CADM2: variants seen among roughly 807,000 people sequenced by gnomAD.
CADM2 encodes the protein cell adhesion molecule 2, also known as immunoglobulin superfamily member 4D.
In CADM2, 12 loss-of-function variants were observed where a neutral mutation model predicts 49.8. The ratio of observed to expected loss-of-function variants is 0.24; its 90% CI spans 0.15 to 0.39. The LOEUF is 0.39. Among genes scored for constraint, CADM2 ranks in the 10% least tolerant of loss-of-function variants. The pLI is 1.00. For synonymous variants in CADM2, 214 were observed against 175.4 expected, an observed-to-expected ratio of 1.22 and a Z score of -1.74; for missense variants, 378 against 492.3, an observed-to-expected ratio of 0.77 and a Z score of 2.20.
At chr3:85,809,725 TTC>T (rs2072706436) in intron 3 of CADM2, among the ~76,000 whole-genome samples, 1 of 28,742 alleles carries the variant, frequency 3.5e-5, no homozygotes, top group African/African-American at 1.4e-4. Context: ...CCTTCGTTCC[TTC>T]CCTCCCTCCC....
At chr3:85,475,807 AG>A (rs1428270090) in intron 1 of CADM2, among the ~76,000 whole-genome samples, 1 of 151,936 alleles carries the variant, frequency 6.6e-6, no homozygotes, top group Non-Finnish European at 1.5e-5. Context: ...TTTAAGATCC[AG>A]GCACTGTTCC....
chr3:85,299,358 T>C (rs1375070492), intron 1 of CADM2, among the ~76,000 whole-genome samples: 4 of 152,032 alleles, frequency 2.6e-5, no homozygotes, highest in Non-Finnish European at 5.9e-5. Context: ...CTTTTTATCG[T>C]TTTTAGGATC....
intron 2 of CADM2, among the ~76,000 whole-genome samples, chr3:85,759,950 T>C (rs2069294717): frequency 6.6e-6 from 1 of 152,140 alleles, no homozygotes; most frequent in African/African-American, 2.4e-5. Context: ...TAAATAAATT[T>C]ATCATGGTAA....
chr3:85,638,937 A>G (rs886463370), intron 1 of CADM2, among the ~76,000 whole-genome samples: 2 of 152,244 alleles, frequency 1.3e-5, no homozygotes, highest in African/African-American at 4.8e-5. Flanking sequence ...GTTTTGAAGA[A>G]GAAGAAGAAA....
Position 85,696,017 on chromosome 3 carries a change from ATTAGCAATGT to A in CADM2, c.62-30498_62-30489del, listed in dbSNP as rs373472895. On this transcript the variant is annotated intron_variant, in intron 1 of 9. Transcript: ENST00000383699. Reference sequence around the variant, plus strand: ...ATATTAGGTTTGCATTTCCCTGATGATTAGCAATGTTTAGCATTTTTCATATGTTTATTTT... The same window carrying A: ...ATATTAGGTTTGCATTTCCCTGATGATTAGCATTTTTCATATGTTTATTTT... Among the ~76,000 whole-genome samples the A allele has an allele frequency of 1.2e-4, 18 of 152,194 alleles. 1 individual carries two copies. The highest frequency in any genetic ancestry group is 4.3e-4 in the African/African-American group (18 of 41,560).
At position 85,661,338 on chromosome 3, in the gene CADM2, T is replaced by C. The variant is rs540402671; in HGVS notation, c.62-65184T>C. Among the ~76,000 whole-genome samples the C allele has an allele frequency of 4.6e-5, 7 of 152,184 alleles. No homozygotes were observed. The South Asian group carries it at 1.4e-3, about 32-fold the overall frequency. ...GTAGATCTGGGGAATGCTATCTGAT[T>C]ATGGATTTTTTAATTTGGGAGTAAA... On this transcript the variant is annotated intron_variant, in intron 1 of 9. Coordinates refer to ENST00000383699, the MANE Select transcript of CADM2 (RefSeq NM_001167675.2).
chr3:85,656,383 G>T (rs1024095483), intron 1 of CADM2, among the ~76,000 whole-genome samples: 3 of 152,042 alleles, frequency 2.0e-5, no homozygotes, highest in African/African-American at 7.2e-5. Context: ...TTGGGAGGCC[G>T]AGGCGGGCAG....
chr3:85,405,662 A>C (rs1296596539), intron 1 of CADM2, among the ~76,000 whole-genome samples: 4 of 152,090 alleles, frequency 2.6e-5, no homozygotes, highest in Non-Finnish European at 5.9e-5. Flanking sequence ...GAAATTAAAA[A>C]GCCTTGATTC....
At chr3:85,303,906 T>C (rs2044157450) in intron 1 of CADM2, among the ~76,000 whole-genome samples, 1 of 151,942 alleles carries the variant, frequency 6.6e-6, no homozygotes, top group East Asian at 1.9e-4. Context: ...AAAGCAATTA[T>C]GTCAACAAAC....
chr3:85,371,677 G>GTGTGTGTGTGTA (rs1251505613), intron 1 of CADM2, among the ~76,000 whole-genome samples: 1 of 95,134 alleles, frequency 1.1e-5, no homozygotes, highest in East Asian at 3.1e-4. Flanking sequence ...GTGTGTGTGT[G>GTGTGTGTGTGTA]TATATATATA....
intron 7 of CADM2, among the ~76,000 whole-genome samples, chr3:85,936,998 G>A (rs898088167): frequency 6.6e-6 from 1 of 151,972 alleles, no homozygotes; most frequent in Non-Finnish European, 1.5e-5. Context: ...ACAAGGTGAA[G>A]TTAGGGAATA....
At chr3:85,588,046 C>G (rs1197135112) in intron 1 of CADM2, among the ~76,000 whole-genome samples, 2 of 152,008 alleles carry the variant, frequency 1.3e-5, no homozygotes, top group African/African-American at 2.4e-5. Context: ...GGATTACAGG[C>G]ATTAGCCATC....
intron 1 of CADM2, among the ~76,000 whole-genome samples, chr3:85,444,449 A>G (rs1414297330): frequency 1.3e-5 from 2 of 151,392 alleles, no homozygotes; most frequent in Admixed American, 1.3e-4. Flanking sequence ...ACACTCACAC[A>G]CACACACACA....
chr3:84,985,157 G>T (rs898615038), intron 1 of CADM2, among the ~76,000 whole-genome samples: 7 of 152,088 alleles, frequency 4.6e-5, no homozygotes, highest in African/African-American at 1.7e-4. Context: ...TGAAGCCCAA[G>T]TTGTGAATTT....
chr3:85,540,525 A>G (rs891756381), intron 1 of CADM2, among the ~76,000 whole-genome samples: 2 of 152,186 alleles, frequency 1.3e-5, no homozygotes, highest in African/African-American at 4.8e-5. Flanking sequence ...CTTTCATGCC[A>G]GTGGATATGT....
At chr3:85,397,971 A>G in intron 1 of CADM2, among the ~76,000 whole-genome samples, 1 of 152,092 alleles carries the variant, frequency 6.6e-6, no homozygotes, top group South Asian at 2.1e-4. Flanking sequence ...CTGCCAGAGG[A>G]GAAATAGGGT....
chr3:85,426,690 C>T (rs1485613348), intron 1 of CADM2, among the ~76,000 whole-genome samples: 1 of 152,012 alleles, frequency 6.6e-6, no homozygotes, highest in African/African-American at 2.4e-5. Context: ...TGACTATAGT[C>T]ACCCAGTTGT....
chr3:85,951,049 G>A (rs1723368015), intron 7 of CADM2, among the ~76,000 whole-genome samples: 1 of 150,928 alleles, frequency 6.6e-6, no homozygotes, highest in Admixed American at 6.6e-5. Context: ...GGCAACAGGA[G>A]TCTTTGGGAT....
At chr3:85,329,494 C>CA (rs2044852948) in intron 1 of CADM2, among the ~76,000 whole-genome samples, 1 of 151,954 alleles carries the variant, frequency 6.6e-6, no homozygotes, top group Non-Finnish European at 1.5e-5. Flanking sequence ...TGCTTGAACC[C>CA]AGGGGGCGGA....
Sources: gnomAD v4.1 joint callset for allele counts (sites outside exome capture counted in the v4.1 genomes callset) on GRCh38, gnomAD v4.1.1 for gene constraint, MANE v1.5 for transcripts, NCBI Gene and HGNC (gene_info 2026-07-23, HGNC 2026-07-21) for gene names.